The following EPM2A variants were observed in gnomAD, a reference collection of about 807,000 sequenced individuals.
The protein encoded by EPM2A is EPM2A glucan phosphatase, laforin.
EPM2A carries 21 observed loss-of-function variants against 26.5 expected under a neutral mutation model. The ratio of observed to expected loss-of-function variants is 0.79; its 90% CI spans 0.56 to 1.14. The LOEUF is 1.14. EPM2A is among the 50% of genes most tolerant of loss of function. The pLI, the probability that EPM2A is intolerant of heterozygous loss-of-function variation, is 0.00. For synonymous variants in EPM2A, 217 were observed against 177.6 expected (o/e 1.22, Z -1.76); for missense variants, 458 against 440.8 (o/e 1.04, Z -0.35).
intron 2 of EPM2A, among the ~76,000 whole-genome samples, chr6:145,511,180 C>T (rs1780050260): frequency 1.3e-5 from 2 of 149,696 alleles, no homozygotes; most frequent in Admixed American, 1.4e-4. Flanking sequence ...TAAATTCCAC[C>T]AGATGTACAA....
At chr6:145,644,294 C>G (rs183039768) in intron 2 of EPM2A, among the ~76,000 whole-genome samples, 2 of 151,814 alleles carry the variant, frequency 1.3e-5, no homozygotes, top group African/African-American at 4.8e-5. Context: ...GCCTTTTTTT[C>G]GTGAATTCCC....
chr6:145,703,104 TTTTTTC>T (rs1392034249), intron 1 of EPM2A, among the ~76,000 whole-genome samples: 1 of 46,334 alleles, frequency 2.2e-5, no homozygotes, highest in Non-Finnish European at 3.6e-5. Flanking sequence ...TTTTTTTTTT[TTTTTTC>T]GAGACGGAGT....
At position 145,726,258 on chromosome 6, in the gene EPM2A, A is replaced by G. The variant is rs1374367578; in HGVS notation, c.301+8940T>C. Among the ~76,000 whole-genome samples the G allele has an allele frequency of 2.0e-5, 3 of 152,162 alleles. No homozygotes were observed. The East Asian group carries it at 5.8e-4, about 29-fold the overall frequency. On this transcript the variant is annotated intron_variant, in intron 1 of 3. Coordinates refer to ENST00000367519, the MANE Select transcript of EPM2A (RefSeq NM_005670.4). ...CCTGAAATAAACTGAACAAGAAAAT[A>G]AAGTAGTAAGATATTTAAACCAAAG...
intron 2 of EPM2A, among the ~76,000 whole-genome samples, chr6:145,563,623 T>C: frequency 6.6e-6 from 1 of 152,102 alleles, no homozygotes; most frequent in Non-Finnish European, 1.5e-5. Flanking sequence ...TACAGTCAAA[T>C]AGGAAGAAGA....
At chr6:145,694,663 A>AC (rs1420733216) in intron 1 of EPM2A, among the ~76,000 whole-genome samples, 10 of 152,008 alleles carry the variant, frequency 6.6e-5, no homozygotes, top group African/African-American at 2.2e-4. Context: ...TAGAAAAACT[A>AC]TGTAAGAATA....
intron 2 of EPM2A, among the ~76,000 whole-genome samples, chr6:145,568,402 C>T (rs1337073601): frequency 6.6e-6 from 1 of 151,740 alleles, no homozygotes; most frequent in Non-Finnish European, 1.5e-5. Context: ...TCACTGCAGC[C>T]TCTGCCTCCT....
chr6:145,644,833 C>T (rs1582955162), intron 2 of EPM2A, among the ~76,000 whole-genome samples: 2 of 152,164 alleles, frequency 1.3e-5, no homozygotes, highest in East Asian at 3.9e-4. Flanking sequence ...ATCAGAAAGG[C>T]CTCTGTCCTC....
intron 1 of EPM2A, among the ~76,000 whole-genome samples, chr6:145,690,809 A>G (rs1046173001): frequency 6.6e-6 from 1 of 152,106 alleles, no homozygotes; most frequent in Non-Finnish European, 1.5e-5. Flanking sequence ...AAGAGGAACT[A>G]AATATTAATT....
At chr6:145,562,127 G>GT (rs755571602) in intron 2 of EPM2A, among the ~76,000 whole-genome samples, 39,873 of 140,064 alleles carry the variant, frequency 0.28, 5,778 homozygotes, top group South Asian at 0.39. Flanking sequence ...ATTACAAAAA[G>GT]GAAAAAAAAA....
intron 2 of EPM2A, among the ~76,000 whole-genome samples, chr6:145,571,582 G>A (rs1780956233): frequency 6.6e-6 from 1 of 152,208 alleles, no homozygotes; most frequent in South Asian, 2.1e-4. Flanking sequence ...CATTATGGAA[G>A]AGGTCCAGTA....
At chr6:145,528,694 C>T (rs1780312841) in intron 2 of EPM2A, among the ~76,000 whole-genome samples, 1 of 152,126 alleles carries the variant, frequency 6.6e-6, no homozygotes, top group South Asian at 2.1e-4. Flanking sequence ...ATGTGGTTTT[C>T]ATGTCTGCAC....
intron 4 of EPM2A, among the ~76,000 whole-genome samples, chr6:145,460,478 G>A (rs140467375): frequency 6.6e-6 from 1 of 152,278 alleles, no homozygotes; most frequent in African/African-American, 2.4e-5. Flanking sequence ...ACTGGATGGA[G>A]GTGGGTAAGA....
intron 1 of EPM2A, among the ~76,000 whole-genome samples, chr6:145,697,482 A>G (rs1338134941): frequency 6.6e-6 from 1 of 152,152 alleles, no homozygotes; most frequent in Non-Finnish European, 1.5e-5. Flanking sequence ...AGGGTTTGAG[A>G]GCAGACAACT....
At chr6:145,487,219 A>G (rs1779689755) in intron 4 of EPM2A, among the ~76,000 whole-genome samples, 2 of 152,024 alleles carry the variant, frequency 1.3e-5, no homozygotes, top group South Asian at 4.2e-4. Flanking sequence ...TATGTACCAC[A>G]TTTTCTTTAT....
chr6:145,640,804 T>G (rs1777033641), intron 2 of EPM2A: 1 of 152,146 alleles, frequency 6.6e-6, no homozygotes, highest in African/African-American at 2.4e-5. Flanking sequence ...CACATACAGC[T>G]CCTTCTGCTG....
chr6:145,697,640 G>A (rs1781683450), intron 1 of EPM2A, among the ~76,000 whole-genome samples: 1 of 152,134 alleles, frequency 6.6e-6, no homozygotes, highest in South Asian at 2.1e-4. Context: ...CCTACCCTCA[G>A]GGACGCATTC....
intron 2 of EPM2A, among the ~76,000 whole-genome samples, chr6:145,641,786 T>C (rs6570706): frequency 0.47 from 70,915 of 151,858 alleles, 17,186 homozygotes; most frequent in African/African-American, 0.58. Context: ...TGCGCACCTC[T>C]CACATGAGGG....
At chr6:145,413,437 A>C (rs866574902) in intron 4 of EPM2A, among the ~76,000 whole-genome samples, 1 of 152,194 alleles carries the variant, frequency 6.6e-6, no homozygotes, top group African/African-American at 2.4e-5. Context: ...ACTTGAAAGA[A>C]GGCAGGAATA....
Position 145,625,952 on chromosome 6 carries a change from T to C in EPM2A, c.*1464A>G. On this transcript the variant is annotated 3_prime_UTR_variant, in exon 4 of 4. Coordinates refer to ENST00000367519, the MANE Select transcript of EPM2A (RefSeq NM_005670.4). The stretch of plus-strand genomic sequence containing the variant: ...GGGCTTTGAATCAAACCCAGCTTTG[T>C]ATCTCACTTCATCTATTTATTCATC... The C allele has an allele frequency of 1.6e-6, 2 of 1,261,756 alleles. No homozygotes were observed. The highest frequency in any genetic ancestry group is 1.1e-6 in the Non-Finnish European group (1 of 950,278). The allele number at this position is 1,261,756 out of a possible 1,614,324, so 78.2% of individuals were successfully genotyped here.
Sources: allele counts gnomAD v4.1 joint callset (sites outside exome capture counted in the v4.1 genomes callset), GRCh38; gene constraint gnomAD v4.1.1; transcripts MANE v1.5; gene names NCBI Gene and HGNC (gene_info 2026-07-23, HGNC 2026-07-21).